The following CNTNAP2 variants were observed in gnomAD, a reference collection of about 807,000 sequenced individuals.
CNTNAP2 encodes the protein contactin associated protein 2.
Under a neutral mutation model 155.2 loss-of-function variants are expected in CNTNAP2, and 98 were observed. The ratio of observed to expected loss-of-function variants is 0.63; its 90% confidence interval spans 0.54 to 0.75. The LOEUF (loss-of-function observed/expected upper bound fraction) is 0.75. CNTNAP2 is among the 30% of genes least tolerant of loss of function. CNTNAP2 has a pLI of 0.00. For synonymous variants in CNTNAP2, 651 were observed against 631.2 expected (o/e 1.03, Z -0.47); for missense variants, 1,727 against 1,688.1 (o/e 1.02, Z -0.40).
intron 8 of CNTNAP2, among the ~76,000 whole-genome samples, chr7:147,193,762 A>G (rs1459911139): frequency 2.0e-5 from 3 of 152,172 alleles, no homozygotes; most frequent in African/African-American, 7.2e-5. Context: ...GGAGAGAGTA[A>G]ATAAATAGGC....
chr7:147,389,636 C>T lies in CNTNAP2; in HGVS notation c.1499-5973C>T, dbSNP rs112444367. On this transcript the variant is annotated intron_variant, in intron 9 of 23. Transcript: ENST00000361727. ...TATGCAAGTCTTGAAACAGAAATTT[C>T]AGACATGCCAGTGAAGTAATATAAT... Among the ~76,000 whole-genome samples, 280 of 152,216 alleles carry T rather than the reference C, an allele frequency of 1.8e-3. 1 individual carries two copies. Among genetic ancestry groups the T allele is most frequent in the African/African-American group, 6.5e-3 (268 of 41,542 alleles).
Position 146,401,226 on chromosome 7 carries a change from A to G in CNTNAP2, c.97+284253A>G, listed in dbSNP as rs527468659. Reference sequence around the variant, plus strand: ...AGCTAACAGCTAGAAATCACTTTGTAGAATAAAAGGGCTGAGGATTGTATT... The same window carrying G: ...AGCTAACAGCTAGAAATCACTTTGTGGAATAAAAGGGCTGAGGATTGTATT... On this transcript the variant is annotated intron_variant, in intron 1 of 23. Coordinates refer to ENST00000361727, the MANE Select transcript of CNTNAP2 (RefSeq NM_014141.6). Among the ~76,000 whole-genome samples, 10 of 152,302 alleles carry G rather than the reference A, an allele frequency of 6.6e-5. No individual in the cohort carries two copies. The East Asian group carries it at 1.9e-3, about 29-fold the overall frequency.
chr7:147,193,014 A>T (rs1280578198), intron 8 of CNTNAP2, among the ~76,000 whole-genome samples: 1 of 152,314 alleles, frequency 6.6e-6, no homozygotes, highest in South Asian at 2.1e-4. Context: ...AACGCCTTGC[A>T]AAGTAGTGAT....
chr7:146,918,746 T>G (rs1796443489), intron 3 of CNTNAP2, among the ~76,000 whole-genome samples: 1 of 152,222 alleles, frequency 6.6e-6, no homozygotes, highest in Non-Finnish European at 1.5e-5. Flanking sequence ...GTCAGGGAAG[T>G]TTTCCTCAGT....
At chr7:148,102,094 C>T (rs1040954848) in intron 15 of CNTNAP2, among the ~76,000 whole-genome samples, 10 of 152,052 alleles carry the variant, frequency 6.6e-5, no homozygotes, top group African/African-American at 2.2e-4. Context: ...AAGCCTAATA[C>T]CCAATAGTTA....
intron 1 of CNTNAP2, among the ~76,000 whole-genome samples, chr7:146,324,793 G>T (rs1801068893): frequency 6.9e-6 from 1 of 145,514 alleles, no homozygotes; most frequent in Non-Finnish European, 1.5e-5. Flanking sequence ...ATATATATAT[G>T]TGCTGATATA....
At chr7:146,291,724 A>G (rs1255466421) in intron 1 of CNTNAP2, among the ~76,000 whole-genome samples, 2 of 152,222 alleles carry the variant, frequency 1.3e-5, no homozygotes, top group African/African-American at 4.8e-5. Flanking sequence ...CCAAATATCT[A>G]TAATTTTTAA....
chr7:147,176,448 T>C (rs1802339771), intron 8 of CNTNAP2, among the ~76,000 whole-genome samples: 1 of 151,814 alleles, frequency 6.6e-6, no homozygotes, highest in South Asian at 2.1e-4. Flanking sequence ...TGCAGATGGA[T>C]GTTCAATGAC....
intron 20 of CNTNAP2, among the ~76,000 whole-genome samples, chr7:148,261,182 A>C (rs374194048): frequency 6.8e-5 from 5 of 73,832 alleles, no homozygotes; most frequent in Non-Finnish European, 1.2e-4. Context: ...TTTTTCTTTG[A>C]GATGGAGTCT....
chr7:146,302,681 C>T (rs79682398), intron 1 of CNTNAP2, among the ~76,000 whole-genome samples: 32 of 152,162 alleles, frequency 2.1e-4, no homozygotes, highest in Middle Eastern at 3.4e-3. Context: ...TCTTGAGTCC[C>T]GAGTGATAAG....
At chr7:147,861,316 ATAT>A (rs777682789) in intron 13 of CNTNAP2, among the ~76,000 whole-genome samples, 24 of 152,358 alleles carry the variant, frequency 1.6e-4, no homozygotes, top group Admixed American at 4.6e-4. Flanking sequence ...ATGAATCATT[ATAT>A]TAGTGTAATA....
chr7:148,233,966 T>C (rs1349137773), intron 20 of CNTNAP2, among the ~76,000 whole-genome samples: 1 of 152,204 alleles, frequency 6.6e-6, no homozygotes, highest in East Asian at 1.9e-4. Flanking sequence ...TCAGGCCATG[T>C]AAGACATGCC....
At chr7:146,235,167 G>C (rs116542024) in intron 1 of CNTNAP2, among the ~76,000 whole-genome samples, 1,682 of 129,648 alleles carry the variant, frequency 0.013, 34 homozygotes, top group African/African-American at 0.044. Flanking sequence ...CTATAAAAGG[G>C]GCAGGAAGAA....
chr7:147,749,872 A>G (rs1797106773), intron 13 of CNTNAP2, among the ~76,000 whole-genome samples: 1 of 152,226 alleles, frequency 6.6e-6, no homozygotes, highest in South Asian at 2.1e-4. Flanking sequence ...AGAGATGTAC[A>G]TCTTAACCCC....
chr7:147,169,112 C>G (rs1439914389), intron 8 of CNTNAP2, among the ~76,000 whole-genome samples: 2 of 152,090 alleles, frequency 1.3e-5, no homozygotes, highest in Admixed American at 1.3e-4. Flanking sequence ...CTGTATATAT[C>G]TGTAAATTGG....
Position 146,455,670 on chromosome 7 carries a change from A to G in CNTNAP2, c.98-318601A>G, listed in dbSNP as rs193130711. ...GAAACCACTGTGTGGAATATAAAAT[A>G]AAAACTCATTTTACAGTGGAAAAAT... On this transcript the variant is annotated intron_variant, in intron 1 of 23. Coordinates refer to ENST00000361727, the MANE Select transcript of CNTNAP2 (RefSeq NM_014141.6). Among the ~76,000 whole-genome samples the G allele has an allele frequency of 3.6e-3, 551 of 152,346 alleles. 2 individuals are homozygous for G. Among genetic ancestry groups the G allele is most frequent in the African/African-American group, 0.012 (498 of 41,586 alleles).
intron 3 of CNTNAP2, among the ~76,000 whole-genome samples, chr7:146,945,656 C>T (rs1401933579): frequency 6.6e-6 from 1 of 152,106 alleles, no homozygotes; most frequent in African/African-American, 2.4e-5. Flanking sequence ...ATATTTAGCT[C>T]AGGCCCTAGA....
chr7:146,558,608 A>G (rs1402277657), intron 1 of CNTNAP2, among the ~76,000 whole-genome samples: 1 of 152,086 alleles, frequency 6.6e-6, no homozygotes, highest in East Asian at 1.9e-4. Flanking sequence ...TTGGGGGGGA[A>G]ATAAGAACAT....
chr7:147,396,248 A>T (rs1474591651), intron 10 of CNTNAP2, among the ~76,000 whole-genome samples: 1 of 150,968 alleles, frequency 6.6e-6, no homozygotes, highest in Non-Finnish European at 1.5e-5. Context: ...CTCCAATCAG[A>T]GAATCTGAGC....
Sources: allele counts gnomAD v4.1 joint callset (sites outside exome capture counted in the v4.1 genomes callset), GRCh38; gene constraint gnomAD v4.1.1; transcripts MANE v1.5; gene names NCBI Gene and HGNC (gene_info 2026-07-23, HGNC 2026-07-21).